Variants in CDYL observed in about 807,000 individuals in gnomAD.
The protein encoded by CDYL is chromodomain Y like.
CDYL carries 8 observed loss-of-function variants against 47.3 expected under a neutral mutation model. The ratio of observed to expected loss-of-function variants is 0.17; its 90% CI spans 0.10 to 0.31. The LOEUF is 0.31. CDYL is among the 10% of genes least tolerant of loss of function. The pLI is 1.00. For missense variants in CDYL, 471 were observed against 701.4 expected (o/e 0.67, Z 3.71); for synonymous variants, 266 against 265.0 (o/e 1.00, Z -0.04).
At chr6:4,737,925 GA>G (rs1189841647) in intron 3 of CDYL, among the ~76,000 whole-genome samples, 1 of 151,690 alleles carries the variant, frequency 6.6e-6, no homozygotes, top group African/African-American at 2.4e-5. Flanking sequence ...AGACATCTTA[GA>G]AAAAATGTAA....
intron 1 of CDYL, among the ~76,000 whole-genome samples, chr6:4,778,051 T>C (rs1758517065): frequency 6.7e-6 from 1 of 149,902 alleles, no homozygotes; most frequent in Non-Finnish European, 1.5e-5. Context: ...TTTTAGGTCA[T>C]TTGGGGATGT....
chr6:4,748,678 C>CACACACACACAA (rs1400877044), intron 3 of CDYL, among the ~76,000 whole-genome samples: 1 of 151,500 alleles, frequency 6.6e-6, no homozygotes, highest in African/African-American at 2.4e-5. Context: ...CACACACACA[C>CACACACACACAA]ACAAACAAAT....
intron 2 of CDYL, among the ~76,000 whole-genome samples, chr6:4,914,076 G>GA (rs754444712): frequency 1.1e-4 from 16 of 152,218 alleles, no homozygotes; most frequent in Non-Finnish European, 2.2e-4. Context: ...GCTAGGCTGG[G>GA]ATAGGGGCTG....
intron 1 of CDYL, among the ~76,000 whole-genome samples, chr6:4,856,048 A>G (rs1760998016): frequency 1.3e-5 from 2 of 152,248 alleles, no homozygotes; most frequent in South Asian, 4.1e-4. Flanking sequence ...GATCTGGCCC[A>G]CATTCATATA....
intron 2 of CDYL, among the ~76,000 whole-genome samples, chr6:4,916,182 C>T (rs1349246131): frequency 6.6e-6 from 1 of 152,228 alleles, no homozygotes; most frequent in Non-Finnish European, 1.5e-5. Flanking sequence ...TATGTCAGGG[C>T]CATGATCCTT....
chr6:4,915,489 G>T (rs1296306315), intron 2 of CDYL, among the ~76,000 whole-genome samples: 1 of 152,120 alleles, frequency 6.6e-6, no homozygotes, highest in East Asian at 1.9e-4. Context: ...CATAATGTGG[G>T]GGATGGGGGC....
At chr6:4,932,044 T>C (rs930902130) in intron 2 of CDYL, among the ~76,000 whole-genome samples, 1 of 152,118 alleles carries the variant, frequency 6.6e-6, no homozygotes, top group African/African-American at 2.4e-5. Context: ...GTTTAAGGAA[T>C]GTGTGACCTT....
At chr6:4,713,876 C>A (rs945546653) in intron 1 of CDYL, among the ~76,000 whole-genome samples, 24 of 152,188 alleles carry the variant, frequency 1.6e-4, no homozygotes, top group African/African-American at 5.5e-4. Context: ...GTGTGAGTCA[C>A]CACACCTGGC....
At chr6:4,824,873 G>T (rs948800684) in intron 1 of CDYL, among the ~76,000 whole-genome samples, 3 of 151,814 alleles carry the variant, frequency 2.0e-5, no homozygotes, top group Non-Finnish European at 2.9e-5. Flanking sequence ...AAGGCTGTTG[G>T]ATTTTTTTTT....
chr6:4,883,459 G>A (rs1191705102), intron 1 of CDYL, among the ~76,000 whole-genome samples: 1 of 152,148 alleles, frequency 6.6e-6, no homozygotes. Context: ...GCAGGGGATG[G>A]TGCCAGCGCC....
At chr6:4,727,298 A>G (rs964423193) in intron 2 of CDYL, among the ~76,000 whole-genome samples, 1 of 152,166 alleles carries the variant, frequency 6.6e-6, no homozygotes, top group Non-Finnish European at 1.5e-5. Flanking sequence ...AAAGTGTCAT[A>G]CATTCAGGTG....
chr6:4,901,939 C>T (rs369387070), intron 2 of CDYL, among the ~76,000 whole-genome samples: 1 of 152,156 alleles, frequency 6.6e-6, no homozygotes, highest in Non-Finnish European at 1.5e-5. Context: ...AAGGTGCCCC[C>T]GCAGCTCTGG....
chr6:4,778,591 T>A (rs929387386), intron 1 of CDYL, among the ~76,000 whole-genome samples: 2 of 151,954 alleles, frequency 1.3e-5, no homozygotes, highest in Admixed American at 6.6e-5. Flanking sequence ...TTTCAAGGAG[T>A]GTCTGTTGGG....
chr6:4,854,250 A>G (rs1453272691), intron 1 of CDYL, among the ~76,000 whole-genome samples: 1 of 152,176 alleles, frequency 6.6e-6, no homozygotes, highest in Non-Finnish European at 1.5e-5. Context: ...TTAGATTCTT[A>G]TGTAATCTGA....
At chr6:4,798,034 G>A (rs575455806) in intron 1 of CDYL, among the ~76,000 whole-genome samples, 112 of 151,956 alleles carry the variant, frequency 7.4e-4, no homozygotes, top group Non-Finnish European at 1.1e-3. Context: ...ATGCAGTGGC[G>A]CAGTCACAGC....
Position 4,724,275 on chromosome 6 carries a change from T to C in CDYL, c.103+8394T>C, listed in dbSNP as rs573796092. ...TATGTTGGCCCGGCTGGTCTCAAAC[T>C]CCTGACTTCATATAATCCACCCACC... On this transcript the variant is annotated intron_variant, in intron 2 of 8. Transcript: ENST00000328908. The C allele has an allele frequency of 2.0e-5, 3 of 152,178 alleles. No homozygotes were observed. In the East Asian group the frequency reaches 5.8e-4, roughly 29 times the overall value. 9.4% of individuals were successfully genotyped at this position (152,178 alleles called of 1,614,324 possible). A position where few individuals can be genotyped will look rare whatever the true frequency, so the allele number is the denominator to read the frequency against.
chr6:4,836,101 G>C (rs1002859264), intron 1 of CDYL: 123 of 172,124 alleles, frequency 7.1e-4, no homozygotes, highest in Non-Finnish European at 4.9e-4. Context: ...TGTGCCCACT[G>C]TCTGGCACTC....
intron 1 of CDYL, chr6:4,715,702 T>A: frequency 1.9e-6 from 3 of 1,584,924 alleles, no homozygotes; most frequent in Non-Finnish European, 2.6e-6. Flanking sequence ...TTTTCCCATG[T>A]ACTGTAGTAA....
chr6:4,825,199 T>G (rs969567678), intron 1 of CDYL, among the ~76,000 whole-genome samples: 3 of 152,174 alleles, frequency 2.0e-5, no homozygotes, highest in African/African-American at 7.2e-5. Context: ...AGGCCTTGCA[T>G]GAACCTATCA....
Sources: allele counts gnomAD v4.1 joint callset (sites outside exome capture counted in the v4.1 genomes callset), GRCh38; gene constraint gnomAD v4.1.1; transcripts MANE v1.5; gene names NCBI Gene and HGNC (gene_info 2026-07-23, HGNC 2026-07-21).